The following ANKAR variants were observed in gnomAD, a reference collection of about 807,000 sequenced individuals.
The protein encoded by ANKAR is ankyrin and armadillo repeat containing.
Under a neutral mutation model 146.2 loss-of-function variants are expected in ANKAR, and 136 were observed. That is an observed-to-expected ratio of 0.93 (90% CI 0.81 to 1.07). The LOEUF (loss-of-function observed/expected upper bound fraction) is 1.07. ANKAR is among the 50% of genes least tolerant of loss of function. The pLI, the probability that ANKAR is intolerant of heterozygous loss-of-function variation, is 0.00. For missense variants in ANKAR, 1,567 were observed against 1,679.9 expected (o/e 0.93, Z 1.18); for synonymous variants, 500 against 575.8 (o/e 0.87, Z 1.88).
chr2:189,731,531 G>A (rs1057232878), intron 16 of ANKAR, among the ~76,000 whole-genome samples: 3 of 151,546 alleles, frequency 2.0e-5, no homozygotes, highest in South Asian at 2.1e-4. Flanking sequence ...GCATCACAAC[G>A]CTTGGCTAAT....
chr2:189,744,669 T>C (rs975211166), intron 21 of ANKAR, 73 bp from the exon 22 acceptor site: 26 of 1,104,494 alleles, frequency 2.4e-5, no homozygotes, highest in African/African-American at 1.6e-4. Context: ...AGTCTTCATA[T>C]ACTTCTTCAT....
At chr2:189,748,369 A>C (rs1416431323), downstream of ANKAR, among the ~76,000 whole-genome samples, 1 of 152,064 alleles carries the variant, frequency 6.6e-6, no homozygotes, top group African/African-American at 2.4e-5. Context: ...TGTTATGCTG[A>C]GTGTGGTGGT....
In ANKAR at chr2:189,728,792, T is replaced by A. The variant is rs764413426; in HGVS notation, c.3164T>A (p.Val1055Asp). Reference sequence around the variant, plus strand: ...ATTGCTGAAGGCACACTTCTCAGTGTCATCAGAGCAGTGGGATCCATTTGT... The same window carrying A: ...ATTGCTGAAGGCACACTTCTCAGTGACATCAGAGCAGTGGGATCCATTTGT... ...STIAEGTLLSVIRAVGSICIG... is the reference protein window; with the variant it reads ...STIAEGTLLSDIRAVGSICIG... The change falls in exon 15 of 23, where the codon GTC becomes GAC. Residue 1055 changes from valine to aspartate, a missense_variant. Physicochemically the swap from Val to Asp is radical, Grantham distance 152. Transcript: ENST00000684021. 1 of 1,613,970 alleles carries A rather than the reference T, an allele frequency of 6.2e-7. No homozygotes were observed. Among genetic ancestry groups the A allele is most frequent in the South Asian group, 1.1e-5 (1 of 91,062 alleles).
intron 7 of ANKAR, among the ~76,000 whole-genome samples, chr2:189,699,733 C>T (rs2037778041): frequency 6.6e-6 from 1 of 152,154 alleles, no homozygotes; most frequent in Non-Finnish European, 1.5e-5. Flanking sequence ...GATTTTGGCT[C>T]ACTGCAACTT....
chr2:189,737,702 G>T lies in ANKAR; in HGVS notation c.3443G>T (p.Gly1148Val), dbSNP rs570875901. Residue 1148 changes from glycine to valine, a missense_variant, in exon 18 of 23, where the codon GGC (glycine) becomes GTC (valine). Coordinates refer to ENST00000684021, the MANE Select transcript of ANKAR (RefSeq NM_001378068.1). The stretch of plus-strand genomic sequence containing the variant: ...TTTTAGGATATTTGCTTAAGAGCAG[G>T]CTATGCATTAACACTTTTTGCCTTC... ...STEKDICLRA[G>V]YALTLFAFNN... is the part of the protein sequence containing the mutation. 6.3e-7 allele frequency: 1 copy of T among 1,594,344 alleles called. No individual in the cohort carries two copies. The highest frequency in any genetic ancestry group is 1.4e-5 in the African/African-American group (1 of 73,900).
In ANKAR at chr2:189,735,722, T is replaced by G. The variant is rs536908262; in HGVS notation, c.3424-1961T>G. On this transcript the variant is annotated intron_variant, in intron 17 of 22. Transcript: ENST00000684021. ...AATAGGTTATGTGTTGTTTTTAAAT[T>G]ATAATTTAACTATTTTCATGCTACC... Among the ~76,000 whole-genome samples, 5 of 152,222 alleles carry G rather than the reference T, an allele frequency of 3.3e-5. No individual in the cohort carries two copies. The East Asian group carries it at 9.6e-4, about 29-fold the overall frequency.
Position 189,741,424 on chromosome 2 carries a change from C to T in ANKAR, c.3783C>T (p.Cys1261=), listed in dbSNP as rs765476415. 1.2e-6 allele frequency: 2 copies of T among 1,611,040 alleles called. No homozygotes were observed. Among genetic ancestry groups the T allele is most frequent in the East Asian group, 2.2e-5 (1 of 44,632 alleles). The change falls in exon 20 of 23, where the codon TGC becomes TGT. Residue 1261 remains cysteine (C), a synonymous_variant. Coordinates refer to ENST00000684021, the MANE Select transcript of ANKAR (RefSeq NM_001378068.1). The stretch of plus-strand genomic sequence containing the variant: ...CATTAGGAACAATCCAACGGCTCTG[C>T]TATCATTTGTACTCGGGAATAGAAG... ...FTTLGTIQRL[C]YHLYSGIEEV...
rs1210425577 is a variant in ANKAR, at chr2:189,730,649, T to C, written c.3300+48T>C. ...CTGATATGGTAAAAATTAACAAATA[T>C]AATTTTAAGAAAATTTTGTATCTTT... is the stretch of plus-strand genomic sequence containing the variant. On this transcript the variant is annotated intron_variant, in intron 16 of 22. Coordinates refer to ENST00000684021, the MANE Select transcript of ANKAR (RefSeq NM_001378068.1). 6.2e-6 allele frequency: 6 copies of C among 974,792 alleles called. No homozygotes were observed. In the South Asian group the frequency reaches 1.3e-4, roughly 22 times the overall value. The allele number at this position is 974,792 out of a possible 1,614,324, so 60.4% of individuals were successfully genotyped here.
chr2:189,685,504 C>T (rs1335571463), intron 2 of ANKAR, among the ~76,000 whole-genome samples: 3 of 152,192 alleles, frequency 2.0e-5, no homozygotes, highest in Non-Finnish European at 1.5e-5. Flanking sequence ...ACTTCACCTT[C>T]CTTTAGCACC....
chr2:189,694,463 T>C (rs566358680), intron 5 of ANKAR, among the ~76,000 whole-genome samples: 4 of 152,266 alleles, frequency 2.6e-5, no homozygotes, highest in African/African-American at 9.6e-5. Context: ...ATTTTATCAA[T>C]TTTCCATTCC....
rs750690231 is a variant in ANKAR, at chr2:189,737,791, C to T, written c.3532C>T (p.Arg1178Cys). 14 of 1,578,844 alleles carry T rather than the reference C, an allele frequency of 8.9e-6. No individual in the cohort carries two copies. Among genetic ancestry groups the T allele is most frequent in the African/African-American group, 6.9e-5 (5 of 72,670 alleles). ...AATAATGACCATATCTATTTTTGAA[C>T]GTTTTCTTGAATCAACAGTTGAAAC... ...SGIMTISIFERFLESTVETEK... is the reference protein window; with the variant it reads ...SGIMTISIFECFLESTVETEK... Residue 1178 changes from arginine (R) to cysteine (C), a missense_variant, in exon 18 of 23, where the codon CGT (arginine) becomes TGT (cysteine). Transcript: ENST00000684021.
At chr2:189,688,670 T>A (rs2035960594) in intron 2 of ANKAR, among the ~76,000 whole-genome samples, 1 of 152,156 alleles carries the variant, frequency 6.6e-6, no homozygotes, top group Non-Finnish European at 1.5e-5. Context: ...ATGTAACAAG[T>A]TATAGGAAGA....
At chr2:189,748,513 T>G (rs987193184), downstream of ANKAR, among the ~76,000 whole-genome samples, 1 of 152,236 alleles carries the variant, frequency 6.6e-6, no homozygotes, top group Non-Finnish European at 1.5e-5. Flanking sequence ...CCATGCAAAG[T>G]TTGTGTTCTT....
At chr2:189,760,840 TATA>T (rs1438538256) in intron 18 of ANKAR, among the ~76,000 whole-genome samples, 1 of 152,190 alleles carries the variant, frequency 6.6e-6, no homozygotes, top group East Asian at 1.9e-4. Context: ...CCTTGAAAAT[TATA>T]ATAATCTAAT....
intron 2 of ANKAR, among the ~76,000 whole-genome samples, chr2:189,687,319 C>T (rs576506461): frequency 2.8e-4 from 42 of 152,226 alleles, no homozygotes; most frequent in Middle Eastern, 6.8e-3. Flanking sequence ...CTGAATAGTA[C>T]TCCATTGTGT....
chr2:189,745,295 T>C (rs77326574), intron 22 of ANKAR, among the ~76,000 whole-genome samples: 2,485 of 152,246 alleles, frequency 0.016, 68 homozygotes, highest in African/African-American at 0.057. Flanking sequence ...CCCATATTGA[T>C]CATTTTCTGT....
intron 7 of ANKAR, among the ~76,000 whole-genome samples, chr2:189,698,104 A>T (rs1300235956): frequency 1.3e-5 from 2 of 152,188 alleles, no homozygotes; most frequent in Non-Finnish European, 1.5e-5. Flanking sequence ...TAGAGGTAAA[A>T]AAGGAAAGAA....
At chr2:189,683,818 G>T (rs1373379157) in intron 2 of ANKAR, among the ~76,000 whole-genome samples, 1 of 152,234 alleles carries the variant, frequency 6.6e-6, no homozygotes, top group African/African-American at 2.4e-5. Flanking sequence ...TGCTACAGTG[G>T]ATTTCCAAGG....
chr2:189,698,651 GA>G, intron 7 of ANKAR, among the ~76,000 whole-genome samples: 1 of 152,240 alleles, frequency 6.6e-6, no homozygotes, highest in East Asian at 1.9e-4. Context: ...TGTCAAGGGG[GA>G]GGGGATAGTT....
Sources: gnomAD v4.1 joint callset for allele counts (sites outside exome capture counted in the v4.1 genomes callset) on GRCh38, gnomAD v4.1.1 for gene constraint, MANE v1.5 for transcripts, NCBI Gene and HGNC (gene_info 2026-07-23, HGNC 2026-07-21) for gene names.